Variants in BARD1 observed in about 807,000 individuals in gnomAD.
The protein encoded by BARD1 is BRCA1 associated RING domain 1, also known as BRCA1-associated RING domain protein 1.
A neutral mutation model predicts 77.0 loss-of-function variants in BARD1; 73 were observed. That is an observed-to-expected ratio of 0.95 (90% CI 0.79 to 1.15). The LOEUF (loss-of-function observed/expected upper bound fraction) is 1.15, where lower values mean the gene tolerates loss of function less well. Among genes scored for constraint, BARD1 ranks in the 50% most tolerant of loss-of-function variants. The probability of loss-of-function intolerance (pLI) is 0.00; values close to 1 mark genes in which losing one functional copy is unlikely to be tolerated. For missense variants in BARD1, 993 were observed against 938.8 expected (o/e 1.06, Z -0.75); for synonymous variants, 384 against 338.0 (o/e 1.14, Z -1.49).
chr2:214,785,241 A>G (rs539888684), intron 3 of BARD1, among the ~76,000 whole-genome samples: 1 of 152,182 alleles, frequency 6.6e-6, no homozygotes, highest in African/African-American at 2.4e-5. Context: ...CAATGAACCT[A>G]AGAGTGTAGA....
Position 214,728,078 on chromosome 2 carries a change from T to C in BARD1, c.*598A>G, listed in dbSNP as rs1692157818. On this transcript the variant is annotated 3_prime_UTR_variant, in exon 11 of 11. Transcript: ENST00000260947. ...ACCAATGTTAATGATTAAATCACAA[T>C]TTCCTGATGATATACAAGATAAAAA... 4.4e-6 allele frequency: 1 copy of C among 227,610 alleles called. No homozygotes were observed. Among genetic ancestry groups the C allele is most frequent in the African/African-American group, 2.2e-5 (1 of 45,010 alleles). 14.1% of individuals were successfully genotyped at this position (227,610 alleles called of 1,614,324 possible).
intron 4 of BARD1, among the ~76,000 whole-genome samples, chr2:214,778,502 A>G (rs1183782017): frequency 1.3e-5 from 2 of 152,184 alleles, no homozygotes; most frequent in Non-Finnish European, 2.9e-5. Context: ...CAAAACTCAT[A>G]TGAAGTAATC....
chr2:214,748,153 C>G (rs1330430859), intron 7 of BARD1, among the ~76,000 whole-genome samples: 1 of 152,062 alleles, frequency 6.6e-6, no homozygotes, highest in Non-Finnish European at 1.5e-5. Context: ...AAGGAAAGCA[C>G]CAAAGTGGGT....
intron 7 of BARD1, among the ~76,000 whole-genome samples, chr2:214,746,266 G>GA (rs1381729620): frequency 6.6e-6 from 1 of 152,130 alleles, no homozygotes; most frequent in Non-Finnish European, 1.5e-5. Flanking sequence ...GAGATTATCT[G>GA]AAAAATCAAA....
At chr2:214,767,101 T>C (rs895132026) in intron 6 of BARD1, among the ~76,000 whole-genome samples, 5 of 152,186 alleles carry the variant, frequency 3.3e-5, no homozygotes, top group African/African-American at 1.2e-4. Flanking sequence ...ATGCGTTAGT[T>C]TACTAAGGAT....
At position 214,798,321 on chromosome 2, in the gene BARD1, T is replaced by C. The variant is rs143263367; in HGVS notation, c.159-1204A>G. ...AAAAACTCACCATGTCTGATTTTTG[T>C]ATCACAGTATGTAAAACGTACAGAT... On this transcript the variant is annotated intron_variant, in intron 1 of 10. Transcript: ENST00000260947. 4.2e-3 allele frequency among the ~76,000 whole-genome samples: 636 copies of C among 152,324 alleles called. 5 individuals are homozygous for C. Among genetic ancestry groups the C allele is most frequent in the African/African-American group, 0.014 (597 of 41,570 alleles).
chr2:214,806,819 A>T (rs1574863254), intron 1 of BARD1, among the ~76,000 whole-genome samples: 1 of 141,846 alleles, frequency 7.0e-6, no homozygotes, highest in Non-Finnish European at 1.5e-5. Flanking sequence ...GGTTGCAGTG[A>T]GCTGAAATCA....
chr2:214,774,057 G>A (rs182893887), intron 4 of BARD1, among the ~76,000 whole-genome samples: 8 of 152,208 alleles, frequency 5.3e-5, no homozygotes, highest in Middle Eastern at 6.8e-3. Context: ...AACAAACAAC[G>A]CCTCATCCAT....
At chr2:214,737,008 C>T (rs1194248778) in intron 9 of BARD1, among the ~76,000 whole-genome samples, 1 of 152,082 alleles carries the variant, frequency 6.6e-6, no homozygotes, top group Non-Finnish European at 1.5e-5. Context: ...TCCAGGTCTA[C>T]AACTACATTT....
intron 5 of BARD1, 22 bp from the exon 6 acceptor site, chr2:214,767,676 G>T: frequency 6.2e-7 from 1 of 1,603,330 alleles, no homozygotes; most frequent in Non-Finnish European, 8.5e-7. Context: ...TTTTGAAAAA[G>T]AAGTGAAAGA....
Position 214,767,600 on chromosome 2 carries a change from T to G in BARD1, c.1450A>C (p.Lys484Gln). 6.2e-7 allele frequency: 1 copy of G among 1,614,086 alleles called. No homozygotes were observed. The highest frequency in any genetic ancestry group is 1.3e-5 in the African/African-American group (1 of 75,048). Residue 484 changes from lysine to glutamine, a missense_variant, in exon 6 of 11, where the codon AAG becomes CAG. Lys to Gln is a moderately conservative substitution (Grantham distance 53). Coordinates refer to ENST00000260947, the MANE Select transcript of BARD1 (RefSeq NM_000465.4). ...TACCCGGTGGTGTTCACCAATGCCT[T>G]ATGCTGGAGCAATAATTCCACTACC... ...LKVVELLLQH[K>Q]ALVNTTGYQN...
chr2:214,778,724 A>T (rs539650814), intron 4 of BARD1, among the ~76,000 whole-genome samples: 1 of 152,214 alleles, frequency 6.6e-6, no homozygotes, highest in African/African-American at 2.4e-5. Flanking sequence ...CTGAACCGCT[A>T]TGATAGAGAT....
At chr2:214,755,329 T>C (rs533466961) in intron 6 of BARD1, among the ~76,000 whole-genome samples, 2 of 152,290 alleles carry the variant, frequency 1.3e-5, no homozygotes, top group African/African-American at 4.8e-5. Context: ...TTTATTAGAA[T>C]GGGTTACTGG....
chr2:214,796,606 T>TA (rs1695765167), intron 2 of BARD1, among the ~76,000 whole-genome samples: 1 of 152,194 alleles, frequency 6.6e-6, no homozygotes, highest in Admixed American at 6.6e-5. Flanking sequence ...ATCTTGATCT[T>TA]AGACTCCTAG....
chr2:214,801,367 C>G (rs1469800552), intron 1 of BARD1, among the ~76,000 whole-genome samples: 2 of 152,172 alleles, frequency 1.3e-5, no homozygotes, highest in East Asian at 3.9e-4. Flanking sequence ...ACACAAGAAA[C>G]TGATAATTAT....
intron 4 of BARD1, among the ~76,000 whole-genome samples, chr2:214,778,970 T>G (rs1037360960): frequency 5.3e-5 from 8 of 152,184 alleles, no homozygotes; most frequent in Non-Finnish European, 1.5e-5. Context: ...AAAATAATCA[T>G]TACACTAGCT....
rs191565868 is a variant in BARD1, at chr2:214,728,566, A to G, written c.*110T>C. 1 of 1,035,888 alleles carries G rather than the reference A, an allele frequency of 9.7e-7. No individual in the cohort carries two copies. Among genetic ancestry groups the G allele is most frequent in the Admixed American group, 2.6e-5 (1 of 38,172 alleles). 64.2% of individuals were successfully genotyped at this position (1,035,888 alleles called of 1,614,324 possible). A position where few individuals can be genotyped will look rare whatever the true frequency, so the allele number is the denominator to read the frequency against. On this transcript the variant is annotated 3_prime_UTR_variant, in exon 11 of 11. Coordinates refer to ENST00000260947, the MANE Select transcript of BARD1 (RefSeq NM_000465.4). ...TTTTTTTTTTTTGATTCAAAGACAA[A>G]TATGAATGACTCTACCTATTTGTAA... is the stretch of plus-strand genomic sequence containing the variant.
intron 3 of BARD1, among the ~76,000 whole-genome samples, chr2:214,789,757 G>C (rs1034001516): frequency 1.3e-5 from 2 of 151,934 alleles, no homozygotes; most frequent in African/African-American, 2.4e-5. Flanking sequence ...CAGAATAACG[G>C]GATTAAAGAT....
At chr2:214,771,373 G>C (rs1471942186) in intron 4 of BARD1, among the ~76,000 whole-genome samples, 1 of 151,818 alleles carries the variant, frequency 6.6e-6, no homozygotes, top group Non-Finnish European at 1.5e-5. Flanking sequence ...TTCCTCTGTT[G>C]GTTTGATAAT....
Sources: gnomAD v4.1 joint callset for allele counts (sites outside exome capture counted in the v4.1 genomes callset) on GRCh38, gnomAD v4.1.1 for gene constraint, MANE v1.5 for transcripts, NCBI Gene and HGNC (gene_info 2026-07-23, HGNC 2026-07-21) for gene names.